The following CPNE4 variants were observed in gnomAD, a reference collection of about 807,000 sequenced individuals.
CPNE4 encodes copine-4.
In CPNE4, 25 loss-of-function variants were observed where a neutral mutation model predicts 67.9. The observed-to-expected ratio is 0.37, with a 90% CI of 0.27 to 0.51. The LOEUF is 0.51. Ranked by LOEUF, CPNE4 falls within the 20% of genes least tolerant of loss-of-function variation. The pLI is 0.93. For synonymous variants in CPNE4, 242 were observed against 244.9 expected, an observed-to-expected ratio of 0.99 and a Z score of 0.11; for missense variants, 464 against 690.8, an observed-to-expected ratio of 0.67 and a Z score of 3.68.
At chr3:131,577,776 A>C (rs942030631) in intron 9 of CPNE4, among the ~76,000 whole-genome samples, 7 of 152,140 alleles carry the variant, frequency 4.6e-5, no homozygotes, top group Non-Finnish European at 7.4e-5. Context: ...TAAAAAATAA[A>C]GTAATTGCAT....
chr3:131,953,238 TTAAAAAAAAAAAAA>T (rs2071826035), intron 1 of CPNE4, among the ~76,000 whole-genome samples: 1 of 75,702 alleles, frequency 1.3e-5, no homozygotes, highest in Non-Finnish European at 2.8e-5. Flanking sequence ...GAATGATCAA[TTAAAAAAAAAAAAA>T]AAAAAAAAAA....
intron 1 of CPNE4, among the ~76,000 whole-genome samples, chr3:131,941,628 T>C (rs2071390962): frequency 6.6e-6 from 1 of 152,096 alleles, no homozygotes; most frequent in African/African-American, 2.4e-5. Flanking sequence ...TAATGCAAAA[T>C]ATTATAAAGT....
chr3:131,903,544 T>G (rs1382433817), intron 2 of CPNE4, among the ~76,000 whole-genome samples: 1 of 152,116 alleles, frequency 6.6e-6, no homozygotes, highest in Non-Finnish European at 1.5e-5. Flanking sequence ...GATACCAGTG[T>G]CCAGCACAAT....
chr3:131,938,747 A>G (rs2071299188), intron 1 of CPNE4, among the ~76,000 whole-genome samples: 1 of 152,098 alleles, frequency 6.6e-6, no homozygotes, highest in Admixed American at 6.6e-5. Flanking sequence ...ATCACCTCCC[A>G]CCAAGTCCCT....
chr3:131,895,871 G>A (rs974264177), intron 2 of CPNE4, among the ~76,000 whole-genome samples: 4 of 151,978 alleles, frequency 2.6e-5, no homozygotes, highest in African/African-American at 7.2e-5. Flanking sequence ...GTGTCCCAAG[G>A]TTCAAATAAA....
At chr3:131,959,840 T>G (rs770475046) in intron 1 of CPNE4, among the ~76,000 whole-genome samples, 1 of 152,182 alleles carries the variant, frequency 6.6e-6, no homozygotes, top group African/African-American at 2.4e-5. Flanking sequence ...TGCCCTGAAT[T>G]ACAGTGATAC....
intron 3 of CPNE4, among the ~76,000 whole-genome samples, chr3:131,722,691 C>G (rs2081919085): frequency 6.6e-6 from 1 of 152,142 alleles, no homozygotes; most frequent in African/African-American, 2.4e-5. Context: ...TATGCCTTCT[C>G]CAGTAAGATT....
At chr3:131,813,421 T>C (rs1482714699) in intron 2 of CPNE4, among the ~76,000 whole-genome samples, 1 of 149,754 alleles carries the variant, frequency 6.7e-6, no homozygotes, top group African/African-American at 2.4e-5. Context: ...TATATGTATG[T>C]GTGTATACAT....
At chr3:131,659,278 C>T (rs2080061534) in intron 7 of CPNE4, among the ~76,000 whole-genome samples, 1 of 151,746 alleles carries the variant, frequency 6.6e-6, no homozygotes, top group Non-Finnish European at 1.5e-5. Context: ...AGAATTTCTA[C>T]TCAGAATAAT....
intron 7 of CPNE4, among the ~76,000 whole-genome samples, chr3:131,650,408 G>T (rs930648865): frequency 6.6e-6 from 1 of 152,064 alleles, no homozygotes; most frequent in South Asian, 2.1e-4. Context: ...TTTAGGTGAA[G>T]GAAGAAACTA....
At chr3:131,560,197 C>T (rs941432184) in intron 11 of CPNE4, among the ~76,000 whole-genome samples, 2 of 151,896 alleles carry the variant, frequency 1.3e-5, no homozygotes, top group African/African-American at 4.8e-5. Context: ...TATATCTAAT[C>T]CTTATAACTG....
chr3:131,807,546 C>T (rs1234209919), intron 2 of CPNE4, among the ~76,000 whole-genome samples: 1 of 151,796 alleles, frequency 6.6e-6, no homozygotes, highest in East Asian at 1.9e-4. Flanking sequence ...AGTGAATGTC[C>T]TAGTGTTAAC....
Position 131,801,477 on chromosome 3 carries a change from T to TATATATATATAA in CPNE4, c.181-77853_181-77852insTTATATATATAT, listed in dbSNP as rs1456669959. 1.9e-4 allele frequency among the ~76,000 whole-genome samples: 25 copies of TATATATATATAA among 133,326 alleles called. No homozygotes were observed. In the South Asian group the frequency reaches 3.7e-3, roughly 20 times the overall value. The allele number at this position is 133,326 out of a possible 152,430, so 87.5% of individuals were successfully genotyped here. A position where few individuals can be genotyped will look rare whatever the true frequency, so the allele number is the denominator to read the frequency against. On this transcript the variant is annotated intron_variant, in intron 2 of 15. Coordinates refer to ENST00000429747, the MANE Select transcript of CPNE4 (RefSeq NM_130808.3). ...GTATATATATATATATATATATATATAATATCACTGCTGAAGAGTTGAATC... is the reference window on the plus strand; with the variant it reads ...GTATATATATATATATATATATATATATATATATATAAAATATCACTGCTGAAGAGTTGAATC...
At chr3:131,848,458 T>C (rs2086090477) in intron 2 of CPNE4, among the ~76,000 whole-genome samples, 1 of 152,054 alleles carries the variant, frequency 6.6e-6, no homozygotes, top group African/African-American at 2.4e-5. Flanking sequence ...CCTTCAAGCC[T>C]GCAACATGTG....
intron 7 of CPNE4, among the ~76,000 whole-genome samples, chr3:131,646,424 G>T (rs1043948064): frequency 6.6e-6 from 1 of 152,208 alleles, no homozygotes; most frequent in Middle Eastern, 3.4e-3. Flanking sequence ...GTGAGGAAAA[G>T]CTCACTATAT....
chr3:131,863,996 G>C (rs925136636), intron 2 of CPNE4, among the ~76,000 whole-genome samples: 3 of 152,126 alleles, frequency 2.0e-5, no homozygotes, highest in Non-Finnish European at 4.4e-5. Context: ...TGTCAGGTTT[G>C]TCAAAGATCA....
chr3:131,978,176 A>T (rs1275499694), intron 1 of CPNE4, among the ~76,000 whole-genome samples: 4 of 59,848 alleles, frequency 6.7e-5, no homozygotes, highest in African/African-American at 3.2e-4. Context: ...TAAATATGTA[A>T]ATATATATAA....
chr3:131,547,182 C>A (rs1935897836), intron 14 of CPNE4, among the ~76,000 whole-genome samples: 1 of 151,956 alleles, frequency 6.6e-6, no homozygotes, highest in Non-Finnish European at 1.5e-5. Flanking sequence ...TAGCCAGATG[C>A]ATTGGCTCAT....
At chr3:131,945,360 G>A (rs369850696) in intron 1 of CPNE4, among the ~76,000 whole-genome samples, 3 of 152,272 alleles carry the variant, frequency 2.0e-5, no homozygotes, top group Admixed American at 2.0e-4. Flanking sequence ...ATTGGCAAAA[G>A]TGTAGTTGGT....
Sources: allele counts gnomAD v4.1 joint callset (sites outside exome capture counted in the v4.1 genomes callset), GRCh38; gene constraint gnomAD v4.1.1; transcripts MANE v1.5; gene names NCBI Gene and HGNC (gene_info 2026-07-23, HGNC 2026-07-21).